Variants in MAP3K3 observed in about 807,000 individuals in gnomAD.
MAP3K3 encodes mitogen-activated protein kinase kinase kinase 3.
In MAP3K3, 12 loss-of-function variants were observed where a neutral mutation model predicts 80.9. That is an observed-to-expected ratio of 0.15 (90% confidence interval 0.10 to 0.24). The LOEUF is 0.24. MAP3K3 is among the 10% of genes least tolerant of loss of function. The pLI is 1.00. For synonymous variants in MAP3K3, 272 were observed against 307.1 expected, an observed-to-expected ratio of 0.89 and a Z score of 1.19; for missense variants, 596 against 834.7, an observed-to-expected ratio of 0.71 and a Z score of 3.52.
At chr17:63,644,716 T>C (rs964661225) in intron 2 of MAP3K3, among the ~76,000 whole-genome samples, 14 of 152,020 alleles carry the variant, frequency 9.2e-5, no homozygotes, top group Non-Finnish European at 5.9e-5. Flanking sequence ...GAAAAGGGAG[T>C]CCTTTAGGCA....
chr17:63,645,094 G>A (rs539657900), intron 2 of MAP3K3, among the ~76,000 whole-genome samples: 3 of 152,058 alleles, frequency 2.0e-5, no homozygotes, highest in South Asian at 4.1e-4. Flanking sequence ...TTATACTTCT[G>A]TTCTTCAATT....
chr17:63,632,127 A>G (rs1349633579), intron 1 of MAP3K3, among the ~76,000 whole-genome samples: 2 of 152,108 alleles, frequency 1.3e-5, no homozygotes, highest in African/African-American at 4.8e-5. Context: ...GCCCTGTTTG[A>G]GCGTGTCCCT....
At chr17:63,638,742 G>T (rs1276913769) in intron 2 of MAP3K3, among the ~76,000 whole-genome samples, 1 of 152,156 alleles carries the variant, frequency 6.6e-6, no homozygotes, top group Non-Finnish European at 1.5e-5. Flanking sequence ...ACGCTTCTCA[G>T]ACACACAAAA....
intron 2 of MAP3K3, chr17:63,637,192 CAAA>C (rs796796374): frequency 4.3e-3 from 335 of 77,620 alleles, no homozygotes; most frequent in East Asian, 0.01. Flanking sequence ...TGAGACCAAC[CAAA>C]AAAAAAAAAA....
At chr17:63,674,240 G>C (rs1440224488) in intron 6 of MAP3K3, among the ~76,000 whole-genome samples, 2 of 152,134 alleles carry the variant, frequency 1.3e-5, no homozygotes, top group Non-Finnish European at 2.9e-5. Context: ...CCTGAGTGGA[G>C]GCAATCAGGT....
chr17:63,627,436 T>A (rs1389804239), intron 1 of MAP3K3, among the ~76,000 whole-genome samples: 1 of 151,944 alleles, frequency 6.6e-6, no homozygotes, highest in Non-Finnish European at 1.5e-5. Flanking sequence ...CGTGTAAAGT[T>A]CACAAATACT....
intron 1 of MAP3K3, among the ~76,000 whole-genome samples, chr17:63,628,876 C>A (rs917915516): frequency 1.3e-5 from 2 of 152,106 alleles, no homozygotes; most frequent in Admixed American, 6.5e-5. Flanking sequence ...TTGACCTTTT[C>A]TCATTGATGA....
intron 2 of MAP3K3, among the ~76,000 whole-genome samples, chr17:63,642,783 T>C (rs1453121277): frequency 6.6e-6 from 1 of 152,178 alleles, no homozygotes; most frequent in Non-Finnish European, 1.5e-5. Flanking sequence ...TGAGACAGAA[T>C]CCTTGTTCTA....
At chr17:63,655,120 G>A (rs950281529) in intron 4 of MAP3K3, among the ~76,000 whole-genome samples, 8 of 152,246 alleles carry the variant, frequency 5.3e-5, no homozygotes, top group African/African-American at 1.9e-4. Context: ...TGGCTGGGGA[G>A]GCCTAGCAAA....
At chr17:63,681,365 G>C (rs1027220349) in intron 6 of MAP3K3, among the ~76,000 whole-genome samples, 14 of 152,104 alleles carry the variant, frequency 9.2e-5, no homozygotes, top group Non-Finnish European at 1.8e-4. Context: ...AAACTAAAGA[G>C]GACTAAGCTG....
At chr17:63,626,299 C>T (rs983542131) in intron 1 of MAP3K3, among the ~76,000 whole-genome samples, 2 of 152,110 alleles carry the variant, frequency 1.3e-5, no homozygotes, top group African/African-American at 4.8e-5. Flanking sequence ...CAAGAAGTTA[C>T]AGTTAGGTAA....
At chr17:63,631,035 C>G (rs2034205098) in intron 1 of MAP3K3, among the ~76,000 whole-genome samples, 1 of 152,046 alleles carries the variant, frequency 6.6e-6, no homozygotes, top group Non-Finnish European at 1.5e-5. Context: ...GTCTGTAATC[C>G]CAGCATTTTG....
intron 5 of MAP3K3, among the ~76,000 whole-genome samples, chr17:63,661,346 C>T (rs1045231340): frequency 2.7e-4 from 41 of 152,212 alleles, no homozygotes; most frequent in Admixed American, 6.5e-5. Flanking sequence ...CGGATCTGGC[C>T]AGTCTCTTTG....
Position 63,694,769 on chromosome 17 carries a change from A to AG in MAP3K3, c.*994dup, listed in dbSNP as rs755861555. 7.2e-5 allele frequency: 11 copies of AG among 152,504 alleles called. No homozygotes were observed. The highest frequency in any genetic ancestry group is 1.6e-4 in the Non-Finnish European group (11 of 68,138). The allele number at this position is 152,504 out of a possible 1,614,324, so 9.4% of individuals were successfully genotyped here. On this transcript the variant is annotated 3_prime_UTR_variant, in exon 16 of 16. Transcript: ENST00000361733. ...CAGGCTGCCTGAGTCGTGACCTGCT[A>AG]GGCCAGAGCCCACTCCATCTGGTAG...
chr17:63,661,954 T>C (rs1287585483), intron 5 of MAP3K3, among the ~76,000 whole-genome samples: 5 of 151,468 alleles, frequency 3.3e-5, no homozygotes, highest in Admixed American at 3.3e-4. Flanking sequence ...ATACAAAAAA[T>C]TAGCTGGGCG....
At position 63,628,071 on chromosome 17, in the gene MAP3K3, A is replaced by G. The variant is rs368267156; in HGVS notation, c.5-4610A>G. Reference sequence around the variant, plus strand: ...CAGGTGTGCACCACCACGCCCAGCTAATTTTTGTATTTTTAGTAGTGATGA... The same window carrying G: ...CAGGTGTGCACCACCACGCCCAGCTGATTTTTGTATTTTTAGTAGTGATGA... On this transcript the variant is annotated intron_variant, in intron 1 of 15. Coordinates refer to ENST00000361733, the MANE Select transcript of MAP3K3 (RefSeq NM_002401.5). 5.3e-5 allele frequency among the ~76,000 whole-genome samples: 8 copies of G among 151,196 alleles called. No individual in the cohort carries two copies. In the East Asian group the frequency reaches 1.6e-3, roughly 30 times the overall value.
chr17:63,693,770 T>C lies in MAP3K3; in HGVS notation c.1874T>C (p.Met625Thr), dbSNP rs957850875. 2.5e-6 allele frequency: 4 copies of C among 1,597,132 alleles called. No homozygotes were observed. The highest frequency in any genetic ancestry group is 2.6e-6 in the Non-Finnish European group (3 of 1,172,014). Residue 625 changes from methionine to threonine, a missense_variant, in exon 16 of 16, where the codon ATG becomes ACG. Physicochemically the swap from Met to Thr is moderately conservative, Grantham distance 81. This residue lies in a region of MAP3K3 where 364 missense variants were observed against 588.9 expected (regional missense o/e 0.62). Coordinates refer to ENST00000361733, the MANE Select transcript of MAP3K3 (RefSeq NM_002401.5). The surrounding 1 kb of genome is among the most constrained non-coding windows in gnomAD (Gnocchi z 4.2). ...ELLTHHFAQL[M>T]Y Reference sequence around the variant, plus strand: ...CTCACACACCACTTTGCACAGCTCATGTACTGAGCTCTCACGGCCACACAG... The same window carrying C: ...CTCACACACCACTTTGCACAGCTCACGTACTGAGCTCTCACGGCCACACAG...
In MAP3K3 at chr17:63,622,659, C is replaced by A; in HGVS notation, c.-101C>A. The A allele has an allele frequency of 3.0e-6, 1 of 335,768 alleles. No individual in the cohort carries two copies. Among genetic ancestry groups the A allele is most frequent in the Non-Finnish European group, 6.0e-6 (1 of 167,738 alleles). 20.8% of individuals were successfully genotyped at this position (335,768 alleles called of 1,614,324 possible). ...CGCAGCCCGCGCCCCCCGCGCGGAGCCAGGCCCGCTGCCGTCCCCGCCGCC... is the reference window on the plus strand; with the variant it reads ...CGCAGCCCGCGCCCCCCGCGCGGAGACAGGCCCGCTGCCGTCCCCGCCGCC... On this transcript the variant is annotated 5_prime_UTR_variant, in exon 1 of 16. Transcript: ENST00000361733.
chr17:63,650,519 T>C (rs1044656581), intron 3 of MAP3K3, among the ~76,000 whole-genome samples: 3 of 152,076 alleles, frequency 2.0e-5, no homozygotes, highest in African/African-American at 4.8e-5. Flanking sequence ...GCCAGGCTAG[T>C]CTTGAACTCC....
Sources: gnomAD v4.1 joint callset for allele counts (sites outside exome capture counted in the v4.1 genomes callset) on GRCh38, gnomAD v4.1.1 for gene constraint, gnomAD v4.1.1 regional missense constraint, Gnocchi (gnomAD v3.1) non-coding constraint, MANE v1.5 for transcripts, NCBI Gene and HGNC (gene_info 2026-07-23, HGNC 2026-07-21) for gene names.